Variants in TSHZ2 observed in about 807,000 individuals in gnomAD.
The protein encoded by TSHZ2 is teashirt homolog 2.
TSHZ2 carries 21 observed loss-of-function variants against 74.4 expected under a neutral mutation model. The ratio of observed to expected loss-of-function variants is 0.28; its 90% CI spans 0.20 to 0.41. The LOEUF (loss-of-function observed/expected upper bound fraction) is 0.41. Among genes scored for constraint, TSHZ2 ranks in the 10% least tolerant of loss-of-function variants. TSHZ2 has a pLI of 1.00. For missense variants in TSHZ2, 1,244 were observed against 1,293.5 expected, an observed-to-expected ratio of 0.96 and a Z score of 0.59; for synonymous variants, 540 against 515.3, an observed-to-expected ratio of 1.05 and a Z score of -0.65.
At chr20:53,051,410 G>A (rs1384961791) in intron 1 of TSHZ2, among the ~76,000 whole-genome samples, 2 of 151,106 alleles carry the variant, frequency 1.3e-5, no homozygotes, top group Non-Finnish European at 2.9e-5. Context: ...TTTTGAGTGG[G>A]TACCAAATCT....
chr20:53,366,683 T>C (rs976785253), intron 2 of TSHZ2, among the ~76,000 whole-genome samples: 2 of 152,188 alleles, frequency 1.3e-5, no homozygotes, highest in African/African-American at 2.4e-5. Context: ...CCACTGCGTA[T>C]TAGACAGGGC....
At chr20:53,234,481 G>A (rs1174089697) in intron 1 of TSHZ2, among the ~76,000 whole-genome samples, 3 of 152,130 alleles carry the variant, frequency 2.0e-5, no homozygotes, top group African/African-American at 7.2e-5. Flanking sequence ...AAATAATAAA[G>A]AAGTAAATTC....
chr20:53,247,851 T>G (rs1237632230), intron 1 of TSHZ2, among the ~76,000 whole-genome samples: 1 of 152,226 alleles, frequency 6.6e-6, no homozygotes, highest in Admixed American at 6.5e-5. Context: ...TCTTATGTTA[T>G]GATTCCACTT....
chr20:52,996,354 A>T (rs183439228), intron 1 of TSHZ2, among the ~76,000 whole-genome samples: 35 of 130,358 alleles, frequency 2.7e-4, no homozygotes, highest in South Asian at 1.9e-3. Flanking sequence ...TTTATTTATT[A>T]GGCAAAATGG....
intron 2 of TSHZ2, among the ~76,000 whole-genome samples, chr20:53,283,913 G>C (rs1991112269): frequency 6.6e-6 from 1 of 152,224 alleles, no homozygotes. Context: ...AGAATGAATA[G>C]AAACCTGTGC....
At chr20:53,212,509 C>T (rs536665002) in intron 1 of TSHZ2, among the ~76,000 whole-genome samples, 1 of 152,120 alleles carries the variant, frequency 6.6e-6, no homozygotes, top group Non-Finnish European at 1.5e-5. Flanking sequence ...TAACTGCCCC[C>T]AAAAGGGAAC....
At chr20:53,041,062 C>T (rs1231734514) in intron 1 of TSHZ2, among the ~76,000 whole-genome samples, 1 of 152,198 alleles carries the variant, frequency 6.6e-6, no homozygotes, top group Non-Finnish European at 1.5e-5. Flanking sequence ...TAAGTGCCCA[C>T]CCGGCTCCTT....
chr20:53,339,062 G>T (rs1042003078), intron 2 of TSHZ2, among the ~76,000 whole-genome samples: 2 of 152,174 alleles, frequency 1.3e-5, no homozygotes, highest in Non-Finnish European at 2.9e-5. Context: ...AAAGAATTAA[G>T]CTCAGCATTG....
intron 1 of TSHZ2, among the ~76,000 whole-genome samples, chr20:53,158,633 A>C (rs1280463750): frequency 6.6e-6 from 1 of 152,166 alleles, no homozygotes; most frequent in African/African-American, 2.4e-5. Flanking sequence ...TTTTTACTCT[A>C]TCAACATCCA....
At chr20:53,324,779 G>A (rs1979424617) in intron 2 of TSHZ2, among the ~76,000 whole-genome samples, 1 of 152,166 alleles carries the variant, frequency 6.6e-6, no homozygotes, top group Non-Finnish European at 1.5e-5. Flanking sequence ...TGATTTTGAT[G>A]CATTACAAAA....
intron 2 of TSHZ2, among the ~76,000 whole-genome samples, chr20:53,318,964 AGAGTGT>A (rs1979137286): frequency 6.6e-6 from 1 of 152,212 alleles, no homozygotes; most frequent in Admixed American, 6.5e-5. Context: ...CAGGCAAGAG[AGAGTGT>A]GCAGGAAACT....
At chr20:53,179,911 C>T (rs1242485823) in intron 1 of TSHZ2, among the ~76,000 whole-genome samples, 1 of 152,110 alleles carries the variant, frequency 6.6e-6, no homozygotes, top group Non-Finnish European at 1.5e-5. Context: ...CTGTTGTTCT[C>T]CTTTAAAAAA....
intron 1 of TSHZ2, chr20:53,185,337 AAC>A: frequency 8.8e-7 from 1 of 1,131,204 alleles, no homozygotes; most frequent in Non-Finnish European, 1.1e-6. Context: ...TACATCTGAA[AAC>A]ACAAAATCTG....
At chr20:53,395,928 GTGTTTGTTTGTT>G (rs145359092) in intron 2 of TSHZ2, among the ~76,000 whole-genome samples, 1 of 152,080 alleles carries the variant, frequency 6.6e-6, no homozygotes, top group East Asian at 1.9e-4. Context: ...AGTTTTAAGC[GTGTTTGTTTGTT>G]TGTTTGTTTG....
intron 2 of TSHZ2, among the ~76,000 whole-genome samples, chr20:53,462,313 G>A (rs1404629207): frequency 6.6e-6 from 1 of 151,990 alleles, no homozygotes; most frequent in African/African-American, 2.4e-5. Flanking sequence ...ATTGGATTAG[G>A]GCCCATCTTA....
chr20:53,391,395 T>C (rs1257157333), intron 2 of TSHZ2, among the ~76,000 whole-genome samples: 1 of 152,104 alleles, frequency 6.6e-6, no homozygotes, highest in Non-Finnish European at 1.5e-5. Flanking sequence ...TACACCTGCC[T>C]CAGCCTCCCA....
chr20:53,251,402 A>G (rs1275107494), intron 1 of TSHZ2, among the ~76,000 whole-genome samples: 2 of 152,152 alleles, frequency 1.3e-5, no homozygotes, highest in South Asian at 2.1e-4. Flanking sequence ...TGGTATATCT[A>G]TTTTTTGCAA....
intron 1 of TSHZ2, among the ~76,000 whole-genome samples, chr20:53,210,509 T>C (rs1189054222): frequency 6.6e-6 from 1 of 152,022 alleles, no homozygotes; most frequent in Non-Finnish European, 1.5e-5. Flanking sequence ...CATGAATTCC[T>C]GTCAGCATTC....
At chr20:53,201,341 G>A (rs1988998908) in intron 1 of TSHZ2, among the ~76,000 whole-genome samples, 1 of 152,158 alleles carries the variant, frequency 6.6e-6, no homozygotes, top group South Asian at 2.1e-4. Context: ...GGAGGCTCCA[G>A]AGGAGATTCT....
Sources: allele counts gnomAD v4.1 joint callset (sites outside exome capture counted in the v4.1 genomes callset), GRCh38; gene constraint gnomAD v4.1.1; transcripts MANE v1.5; gene names NCBI Gene and HGNC (gene_info 2026-07-23, HGNC 2026-07-21).